The following FBRSL1 variants were observed in gnomAD, a reference collection of about 807,000 sequenced individuals.
The protein encoded by FBRSL1 is fibrosin like 1.
FBRSL1 carries 51 observed loss-of-function variants against 89.6 expected under a neutral mutation model. That is an observed-to-expected ratio of 0.57 (90% CI 0.45 to 0.72). The LOEUF is 0.72. Among genes scored for constraint, FBRSL1 ranks in the 30% least tolerant of loss-of-function variants. FBRSL1 has a pLI of 0.00. For missense variants in FBRSL1, 1,618 were observed against 1,451.8 expected (o/e 1.11, Z -1.86); for synonymous variants, 779 against 681.1 (o/e 1.14, Z -2.24).
chr12:132,536,553 CAGTG>C (rs903710273), intron 4 of FBRSL1, among the ~76,000 whole-genome samples: 3 of 146,970 alleles, frequency 2.0e-5, no homozygotes, highest in Non-Finnish European at 4.5e-5. Flanking sequence ...GTGTACATGA[CAGTG>C]TGTGTGCCAT....
Position 132,550,372 on chromosome 12 carries a change from CCTT to C in FBRSL1, c.645+2343_645+2345del, listed in dbSNP as rs1593449200. 2.0e-5 allele frequency among the ~76,000 whole-genome samples: 3 copies of C among 152,308 alleles called. No individual in the cohort carries two copies. The South Asian group carries it at 6.2e-4, about 32-fold the overall frequency. On this transcript the variant is annotated intron_variant, in intron 5 of 18. Coordinates refer to ENST00000680143, the MANE Select transcript of FBRSL1 (RefSeq NM_001367871.1). ...ACACTGAGTCCCCGTGATGGTGGCT[CCTT>C]CTGGCTGCGGCAAGGTCTGAGCGCC... is the stretch of plus-strand genomic sequence containing the variant.
chr12:132,536,725 TAC>T (rs2036785803), intron 4 of FBRSL1, among the ~76,000 whole-genome samples: 1 of 150,988 alleles, frequency 6.6e-6, no homozygotes, highest in East Asian at 2.0e-4. Context: ...TGTGTGAGTA[TAC>T]GTGTACATGA....
chr12:132,518,821 T>C (rs1174329416), intron 2 of FBRSL1, among the ~76,000 whole-genome samples: 2 of 145,110 alleles, frequency 1.4e-5, no homozygotes, highest in East Asian at 2.1e-4. Context: ...CATCCACCCA[T>C]CTACCCGTCC....
At chr12:132,571,578 C>T (rs1566230023) in intron 9 of FBRSL1, 34 of 1,202,888 alleles carry the variant, frequency 2.8e-5, no homozygotes, top group Middle Eastern at 3.2e-4. Context: ...GGCGGGGACA[C>T]GCAGCAGGCA....
At chr12:132,530,232 G>C (rs2036150597) in intron 4 of FBRSL1, among the ~76,000 whole-genome samples, 2 of 152,226 alleles carry the variant, frequency 1.3e-5, no homozygotes, top group South Asian at 4.1e-4. Flanking sequence ...TGGTGTGCGT[G>C]TTCAGGGTCA....
At chr12:132,497,763 G>A (rs11612819) in intron 1 of FBRSL1, among the ~76,000 whole-genome samples, 1 of 152,042 alleles carries the variant, frequency 6.6e-6, no homozygotes, top group Non-Finnish European at 1.5e-5. Flanking sequence ...TTAGTGGCCC[G>A]GGGTCAGGCC....
At chr12:132,536,203 AGT>A (rs1164337166) in intron 4 of FBRSL1, among the ~76,000 whole-genome samples, 59 of 143,104 alleles carry the variant, frequency 4.1e-4, no homozygotes, top group Middle Eastern at 4.7e-3. Context: ...TGTACATGAT[AGT>A]GTGTGTGAGT....
chr12:132,521,487 G>C (rs1469222115), intron 2 of FBRSL1, among the ~76,000 whole-genome samples: 1 of 152,200 alleles, frequency 6.6e-6, no homozygotes, highest in Non-Finnish European at 1.5e-5. Context: ...CCCTTCTCAG[G>C]GTTCTCCAGG....
chr12:132,558,769 C>G (rs1176701826), intron 5 of FBRSL1, among the ~76,000 whole-genome samples: 1 of 152,228 alleles, frequency 6.6e-6, no homozygotes, highest in East Asian at 1.9e-4. Flanking sequence ...ATGGATAGGC[C>G]CTGCCCGGGG....
chr12:132,567,566 G>A, intron 6 of FBRSL1, 40 bp downstream of exon 6: 1 of 1,538,452 alleles, frequency 6.5e-7, no homozygotes, highest in South Asian at 1.2e-5. Flanking sequence ...GGCCTCTGAA[G>A]AGACACAATG....
intron 3 of FBRSL1, among the ~76,000 whole-genome samples, 168 bp downstream of exon 3, chr12:132,525,991 C>A (rs901446296): frequency 6.6e-6 from 1 of 152,264 alleles, no homozygotes; most frequent in African/African-American, 2.4e-5. Context: ...TGCACAAGGG[C>A]GTCCAGGAAG....
chr12:132,494,384 C>T (rs2031634732), intron 1 of FBRSL1, among the ~76,000 whole-genome samples: 1 of 152,218 alleles, frequency 6.6e-6, no homozygotes, highest in South Asian at 2.1e-4. Context: ...CCCATCTTCC[C>T]ACATAGCAAA....
At chr12:132,571,010 C>T (rs1006882154) in intron 8 of FBRSL1, 58 bp from the exon 9 acceptor site, 29 of 1,240,742 alleles carry the variant, frequency 2.3e-5, no homozygotes, top group Admixed American at 3.7e-5. Flanking sequence ...TGCTGGCCTG[C>T]GGGTGGCTGG....
intron 5 of FBRSL1, among the ~76,000 whole-genome samples, chr12:132,564,533 T>C (rs1305745013): frequency 1.0e-5 from 1 of 96,070 alleles, no homozygotes; most frequent in African/African-American, 6.9e-5. Flanking sequence ...TCTCGCTCTG[T>C]CGCCCAGGCT....
rs1385221174 is a variant in FBRSL1, at chr12:132,584,299, TTG to T, written c.*523_*524del. 6.6e-6 allele frequency: 1 copy of T among 152,246 alleles called. No individual in the cohort carries two copies. Among genetic ancestry groups the T allele is most frequent in the Non-Finnish European group, 1.5e-5 (1 of 68,042 alleles). 9.4% of individuals were successfully genotyped at this position (152,246 alleles called of 1,614,324 possible). A position where few individuals can be genotyped will look rare whatever the true frequency, so the allele number is the denominator to read the frequency against. ...TATTAAAATAATAATGTACAAAACT[TTG>T]TTTTTTTGCCTTATTATGCAGAAGT... On this transcript the variant is annotated 3_prime_UTR_variant, in exon 19 of 19. Transcript: ENST00000680143.
chr12:132,555,872 C>T lies in FBRSL1; in HGVS notation c.645+7840C>T, dbSNP rs531762624. Among the ~76,000 whole-genome samples the T allele has an allele frequency of 9.1e-4, 139 of 152,276 alleles. 1 individual carries two copies. The highest frequency in any genetic ancestry group is 3.4e-3 in the Middle Eastern group (1 of 294). ...TGGGCTTGGGGCCTGCAGGCGGCCC[C>T]ACCTTTCTCCCCGCAGGCACTCGTG... is the stretch of plus-strand genomic sequence containing the variant. On this transcript the variant is annotated intron_variant, in intron 5 of 18. Transcript: ENST00000680143.
chr12:132,553,676 G>A (rs576553597), intron 5 of FBRSL1: 21 of 152,376 alleles, frequency 1.4e-4, no homozygotes, highest in African/African-American at 4.3e-4. Context: ...AATAGCCAGT[G>A]AGGCTTCTCT....
At chr12:132,571,016 G>A in intron 8 of FBRSL1, 52 bp from the exon 9 acceptor site, 2 of 1,269,070 alleles carry the variant, frequency 1.6e-6, no homozygotes, top group Non-Finnish European at 9.9e-7. Context: ...CCTGCGGGTG[G>A]CTGGACCCTG....
In FBRSL1 at chr12:132,569,945, G is replaced by C; in HGVS notation, c.711G>C (p.Ser237=). Reference sequence around the variant, plus strand: ...CTGCAGGCCCAGCGCTTGAGAAGTCGGAGGCCAAGGCCGGGCCGGTGCCCA... The same window carrying C: ...CTGCAGGCCCAGCGCTTGAGAAGTCCGAGGCCAAGGCCGGGCCGGTGCCCA... ...GTDKGPALEK[S]EAKAGPVPKV... The change falls in exon 7 of 19, where the codon TCG becomes TCC. Residue 237 remains serine, a synonymous_variant. Transcript: ENST00000680143. 1.4e-6 allele frequency: 2 copies of C among 1,420,848 alleles called. No homozygotes were observed. The highest frequency in any genetic ancestry group is 1.8e-6 in the Non-Finnish European group (2 of 1,095,064). 88.0% of individuals were successfully genotyped at this position (1,420,848 alleles called of 1,614,324 possible).
Sources: gnomAD v4.1 joint callset for allele counts (sites outside exome capture counted in the v4.1 genomes callset) on GRCh38, gnomAD v4.1.1 for gene constraint, MANE v1.5 for transcripts, NCBI Gene and HGNC (gene_info 2026-07-23, HGNC 2026-07-21) for gene names.